Variants in CAMTA1 observed in about 807,000 individuals in gnomAD.
CAMTA1 encodes the protein calmodulin binding transcription activator 1, also known as calmodulin-binding transcription activator 1.
A neutral mutation model predicts 170.9 loss-of-function variants in CAMTA1; 27 were observed. The observed-to-expected ratio is 0.16, with a 90% CI of 0.12 to 0.22. The LOEUF (loss-of-function observed/expected upper bound fraction) is 0.22. Ranked by LOEUF, CAMTA1 falls within the 10% of genes least tolerant of loss-of-function variation. CAMTA1 has a pLI of 1.00. For missense variants in CAMTA1, 1,619 were observed against 2,217.2 expected (o/e 0.73, Z 5.42); for synonymous variants, 833 against 891.5 (o/e 0.93, Z 1.17).
At position 7,538,721 on chromosome 1, in the gene CAMTA1, C is replaced by T. The variant is rs536328269; in HGVS notation, c.510+70820C>T. On this transcript the variant is annotated intron_variant, in intron 6 of 22. Transcript: ENST00000303635. ...CCAACAAACTGAGTCTGCCTCATTACGATGTAGGGGTGGGGGTTCTTAAAG... is the reference window on the plus strand; with the variant it reads ...CCAACAAACTGAGTCTGCCTCATTATGATGTAGGGGTGGGGGTTCTTAAAG... Among the ~76,000 whole-genome samples the T allele has an allele frequency of 1.1e-4, 16 of 152,308 alleles. No homozygotes were observed. In the South Asian group the frequency reaches 2.3e-3, roughly 22 times the overall value.
rs1646096451 is a variant in CAMTA1 at position 7,144,913 on chromosome 1, TTC to T, written c.302+53544_302+53545del. 1.3e-5 allele frequency among the ~76,000 whole-genome samples: 2 copies of T among 152,276 alleles called. No individual in the cohort carries two copies. Among genetic ancestry groups the T allele is most frequent in the African/African-American group, 4.8e-5 (2 of 41,480 alleles). ...TACCTGGTGAGGCAGCACTTGCTTT[TTC>T]TTCCCATGTTACAAATGCAGACAGG... On this transcript the variant is annotated intron_variant, in intron 4 of 22. Coordinates refer to ENST00000303635, the MANE Select transcript of CAMTA1 (RefSeq NM_015215.4). The surrounding 1 kb of genome is among the most constrained non-coding windows in gnomAD (Gnocchi z 4.0).
At chr1:7,450,011 C>T (rs540446301) in intron 5 of CAMTA1, among the ~76,000 whole-genome samples, 16 of 152,172 alleles carry the variant, frequency 1.1e-4, no homozygotes, top group African/African-American at 3.4e-4. Context: ...CATCATGTTA[C>T]CCTTAGGGCC....
chr1:6,864,706 A>G (rs1665980447), intron 3 of CAMTA1, among the ~76,000 whole-genome samples: 1 of 152,022 alleles, frequency 6.6e-6, no homozygotes, highest in African/African-American at 2.4e-5. Flanking sequence ...CTTACATGCC[A>G]TTTACATGTT....
At chr1:7,310,654 T>C (rs1335352094) in intron 5 of CAMTA1, among the ~76,000 whole-genome samples, 2 of 62,410 alleles carry the variant, frequency 3.2e-5, no homozygotes, top group African/African-American at 1.7e-4. Flanking sequence ...CTTTTTTCTT[T>C]CTTTCTTTCT....
At chr1:7,304,560 T>C (rs2149573086) in intron 5 of CAMTA1, among the ~76,000 whole-genome samples, 1 of 152,054 alleles carries the variant, frequency 6.6e-6, no homozygotes, top group Middle Eastern at 3.4e-3. Flanking sequence ...AATCATTTGT[T>C]TCCTCAAGCC....
chr1:7,382,863 G>GATAGAT (rs1553152180), intron 5 of CAMTA1: 14 of 136,848 alleles, frequency 1.0e-4, no homozygotes, highest in African/African-American at 3.4e-4. Context: ...TAGATAGATA[G>GATAGAT]ATAGATAGAT....
At chr1:6,791,837 C>A (rs1330033934) in intron 1 of CAMTA1, among the ~76,000 whole-genome samples, 1 of 152,160 alleles carries the variant, frequency 6.6e-6, no homozygotes, top group Non-Finnish European at 1.5e-5. Context: ...TATTTTGTGC[C>A]ATCCCTGGAT....
At chr1:7,175,710 C>T (rs867195780) in intron 4 of CAMTA1, among the ~76,000 whole-genome samples, 10 of 152,242 alleles carry the variant, frequency 6.6e-5, no homozygotes, top group South Asian at 4.1e-4. Context: ...TCAAACACTG[C>T]CTTAGTGCAA....
At chr1:7,089,959 T>G (rs557481000) in intron 3 of CAMTA1, among the ~76,000 whole-genome samples, 1 of 152,206 alleles carries the variant, frequency 6.6e-6, no homozygotes, top group Non-Finnish European at 1.5e-5. Context: ...GCTGCTTATT[T>G]ATGATTTCTT....
chr1:7,602,048 G>A (rs1263763841), intron 6 of CAMTA1, among the ~76,000 whole-genome samples: 4 of 149,036 alleles, frequency 2.7e-5, no homozygotes, highest in African/African-American at 7.5e-5. Context: ...GGGAGAGGAG[G>A]GAGAGGGAGA....
At position 7,146,728 on chromosome 1, in the gene CAMTA1, CACAA is replaced by C. The variant is rs201974983; in HGVS notation, c.302+55361_302+55364del. On this transcript the variant is annotated intron_variant, in intron 4 of 22. Coordinates refer to ENST00000303635, the MANE Select transcript of CAMTA1 (RefSeq NM_015215.4). This position sits in a 1 kb window ranked among gnomAD's most constrained non-coding sequence, Gnocchi z 4.3. ...AGAAGGGTTTGGCGTATTGCACACA[CACAA>C]ACACACACTCAAACATAAACCATGC... Among the ~76,000 whole-genome samples the C allele has an allele frequency of 0.016, 2,366 of 152,170 alleles. 63 individuals are homozygous for C. Among genetic ancestry groups the C allele is most frequent in the African/African-American group, 0.055 (2,269 of 41,494 alleles).
intron 5 of CAMTA1, among the ~76,000 whole-genome samples, chr1:7,304,575 T>C (rs1214213155): frequency 6.6e-6 from 1 of 150,576 alleles, no homozygotes; most frequent in African/African-American, 2.4e-5. Flanking sequence ...CAAGCCCTTA[T>C]CAAAACATTG....
At chr1:7,414,698 T>TA (rs1406672629) in intron 5 of CAMTA1, among the ~76,000 whole-genome samples, 3 of 152,282 alleles carry the variant, frequency 2.0e-5, no homozygotes, top group Admixed American at 6.5e-5. Context: ...GTTGATCTTT[T>TA]AAAAAAACCA....
chr1:6,906,897 G>C (rs766535857), intron 3 of CAMTA1, among the ~76,000 whole-genome samples: 2 of 152,158 alleles, frequency 1.3e-5, no homozygotes, highest in Non-Finnish European at 2.9e-5. Context: ...AAACCTTTCT[G>C]CCTTAGCCAT....
At chr1:7,764,606 A>G (rs1265972382) in intron 22 of CAMTA1, among the ~76,000 whole-genome samples, 1 of 152,196 alleles carries the variant, frequency 6.6e-6, no homozygotes, top group Non-Finnish European at 1.5e-5. Context: ...CCTATACAAT[A>G]TAGCAATAAC....
At chr1:7,309,649 G>A (rs1012856679) in intron 5 of CAMTA1, among the ~76,000 whole-genome samples, 2 of 151,788 alleles carry the variant, frequency 1.3e-5, no homozygotes, top group Admixed American at 6.6e-5. Flanking sequence ...CTTTCCTGCC[G>A]CCTTTTATGT....
At chr1:7,129,300 C>T (rs1185893006) in intron 4 of CAMTA1, among the ~76,000 whole-genome samples, 1 of 152,220 alleles carries the variant, frequency 6.6e-6, no homozygotes, top group Non-Finnish European at 1.5e-5. Context: ...TGGGTTCTTT[C>T]CATCAGACCT....
At chr1:7,136,218 T>C (rs1057393397) in intron 4 of CAMTA1, among the ~76,000 whole-genome samples, 8 of 152,236 alleles carry the variant, frequency 5.3e-5, no homozygotes, top group Non-Finnish European at 1.2e-4. Flanking sequence ...CTGCTTCTTA[T>C]TTCTCTGGGG....
Position 7,661,716 on chromosome 1 carries a change from C to G in CAMTA1, c.665-10C>G. The G allele has an allele frequency of 1.9e-6, 3 of 1,613,932 alleles. No homozygotes were observed. Among genetic ancestry groups the G allele is most frequent in the Non-Finnish European group, 2.5e-6 (3 of 1,179,916 alleles). On this transcript the variant is annotated splice_polypyrimidine_tract_variant and intron_variant, in intron 7 of 22. Coordinates refer to ENST00000303635, the MANE Select transcript of CAMTA1 (RefSeq NM_015215.4). ...GGGCTCTGACAGCCCCCCTGCCTCT[C>G]TCTTCACAGTCCATGGCATCAAGTG...
Sources: allele counts gnomAD v4.1 joint callset (sites outside exome capture counted in the v4.1 genomes callset), GRCh38; gene constraint gnomAD v4.1.1; non-coding constraint Gnocchi (gnomAD v3.1); transcripts MANE v1.5; gene names NCBI Gene and HGNC (gene_info 2026-07-23, HGNC 2026-07-21).